Variants in SV2B observed in about 807,000 individuals in gnomAD.
The protein encoded by SV2B is solute carrier family 22 member B2.
A neutral mutation model predicts 73.9 loss-of-function variants in SV2B; 41 were observed. That is an observed-to-expected ratio of 0.56 (90% CI 0.43 to 0.72). SV2B has a LOEUF of 0.72. SV2B is among the 30% of genes least tolerant of loss of function. The pLI is 0.00. For synonymous variants in SV2B, 314 were observed against 314.2 expected (o/e 1.00, Z 0.01); for missense variants, 764 against 857.8 (o/e 0.89, Z 1.37).
At chr15:91,210,710 A>G (rs1258369226) in intron 1 of SV2B, among the ~76,000 whole-genome samples, 1 of 152,172 alleles carries the variant, frequency 6.6e-6, no homozygotes, top group Non-Finnish European at 1.5e-5. Flanking sequence ...AGTGTCCCCT[A>G]TTGGAGCAAT....
chr15:91,276,805 GTTATTA>G lies in SV2B; in HGVS notation c.1374-4896_1374-4891del, dbSNP rs3082230. The stretch of plus-strand genomic sequence containing the variant: ...TTCCAGTATTTATATTATTGTTGTT[GTTATTA>G]TTATTATTATTATTATTATTATTAT... On this transcript the variant is annotated intron_variant, in intron 9 of 12. Transcript: ENST00000394232. Among the ~76,000 whole-genome samples the G allele has an allele frequency of 2.0e-3, 183 of 92,118 alleles. 2 individuals are homozygous for G. The highest frequency in any genetic ancestry group is 0.013 in the Middle Eastern group (2 of 152). 60.4% of individuals were successfully genotyped at this position (92,118 alleles called of 152,430 possible).
chr15:91,196,677 C>T (rs986006748), intron 1 of SV2B, among the ~76,000 whole-genome samples: 7 of 152,156 alleles, frequency 4.6e-5, no homozygotes, highest in Non-Finnish European at 1.0e-4. Flanking sequence ...CACCCAAAGA[C>T]AGAAAGGAAG....
At chr15:91,235,805 T>C (rs1377734718) in intron 2 of SV2B, among the ~76,000 whole-genome samples, 2 of 152,204 alleles carry the variant, frequency 1.3e-5, no homozygotes, top group African/African-American at 4.8e-5. Context: ...TGGATTTTGA[T>C]CAAGATTTAA....
intron 1 of SV2B, among the ~76,000 whole-genome samples, chr15:91,133,996 C>G (rs2042735562): frequency 1.6e-5 from 1 of 63,928 alleles, no homozygotes; most frequent in Admixed American, 1.4e-4. Flanking sequence ...TCACCACTTT[C>G]TTTCTTCCTT....
chr15:91,231,660 A>C lies in SV2B; in HGVS notation c.451+4946A>C, dbSNP rs978393557. ...ACTGCAAATAAGCACCTCAACCTGG[A>C]ACTGTGGGCTATTCCCTACCTTCAT... On this transcript the variant is annotated intron_variant, in intron 2 of 12. Transcript: ENST00000394232. The surrounding 1 kb of genome is among the most constrained non-coding windows in gnomAD (Gnocchi z 4.5). 2.6e-5 allele frequency among the ~76,000 whole-genome samples: 4 copies of C among 152,170 alleles called. No homozygotes were observed. The highest frequency in any genetic ancestry group is 5.9e-5 in the Non-Finnish European group (4 of 68,030).
intron 1 of SV2B, among the ~76,000 whole-genome samples, chr15:91,164,230 G>A (rs111917749): frequency 0.12 from 17,809 of 152,082 alleles, 1,361 homozygotes; most frequent in South Asian, 0.22. Flanking sequence ...GACTTTCTTT[G>A]CAGAACTGGA....
intron 1 of SV2B, among the ~76,000 whole-genome samples, chr15:91,186,281 A>T (rs2044766311): frequency 6.7e-6 from 1 of 148,376 alleles, no homozygotes; most frequent in Non-Finnish European, 1.5e-5. Flanking sequence ...ATTTTATTTT[A>T]TATTAATGAA....
intron 11 of SV2B, among the ~76,000 whole-genome samples, chr15:91,285,600 C>T (rs182338311): frequency 7.9e-5 from 12 of 152,346 alleles, no homozygotes; most frequent in Admixed American, 2.0e-4. Flanking sequence ...TGTGGACCCA[C>T]GTTCCTTTAC....
At position 91,212,978 on chromosome 15, in the gene SV2B, TAAA is replaced by T. The variant is rs34863204; in HGVS notation, c.-391-12880_-391-12878del. Among the ~76,000 whole-genome samples, 361 of 127,086 alleles carry T rather than the reference TAAA, an allele frequency of 2.8e-3. 3 individuals are homozygous for T. The highest frequency in any genetic ancestry group is 0.01 in the African/African-American group (347 of 34,462). The allele number at this position is 127,086 out of a possible 152,430, so 83.4% of individuals were successfully genotyped here. On this transcript the variant is annotated intron_variant, in intron 1 of 12. Coordinates refer to ENST00000394232, the MANE Select transcript of SV2B (RefSeq NM_001323032.3). ...CAACATGGTGAAACCCTGTCTCTACTAAAAAAAAAAAAAAAAATACGAAAATTA... is the reference window on the plus strand; with the variant it reads ...CAACATGGTGAAACCCTGTCTCTACTAAAAAAAAAAAAAATACGAAAATTA...
Position 91,296,374 on chromosome 15 carries a change from T to C in SV2B, c.*3822T>C, listed in dbSNP as rs1016712002. On this transcript the variant is annotated 3_prime_UTR_variant, in exon 13 of 13. Coordinates refer to ENST00000394232, the MANE Select transcript of SV2B (RefSeq NM_001323032.3). Reference sequence around the variant, plus strand: ...TTTATAGTAAGTTAAAGGTTTGTTTTACTCTCATGTGAAGGGAATCTGGAG... The same window carrying C: ...TTTATAGTAAGTTAAAGGTTTGTTTCACTCTCATGTGAAGGGAATCTGGAG... 3 of 152,300 alleles carry C rather than the reference T, an allele frequency of 2.0e-5. No individual in the cohort carries two copies. Among genetic ancestry groups the C allele is most frequent in the Admixed American group, 6.5e-5 (1 of 15,290 alleles). 9.4% of individuals were successfully genotyped at this position (152,300 alleles called of 1,614,324 possible). A position where few individuals can be genotyped will look rare whatever the true frequency, so the allele number is the denominator to read the frequency against.
rs1464954599 is a variant in SV2B, at chr15:91,280,742, G to A, written c.1374-986G>A. Among the ~76,000 whole-genome samples the A allele has an allele frequency of 6.6e-6, 1 of 152,090 alleles. No individual in the cohort carries two copies. The highest frequency in any genetic ancestry group is 2.4e-5 in the African/African-American group (1 of 41,422). On this transcript the variant is annotated intron_variant, in intron 9 of 12. Transcript: ENST00000394232. The surrounding 1 kb of genome is among the most constrained non-coding windows in gnomAD (Gnocchi z 5.8). ...GGTGCCTTATTGTCTTTTTAACTGA[G>A]TTTTAAAAAAAAGTGAACACATAAT...
In SV2B at chr15:91,139,844, G is replaced by A. The variant is rs754437706; in HGVS notation, c.-392+39481G>A. ...AAAAGACGTAAACTAAGATTGTCCT[G>A]GAGAAACCAAGCTATATGGTCCCTC... On this transcript the variant is annotated intron_variant, in intron 1 of 12. Transcript: ENST00000394232. This position sits in a 1 kb window ranked among gnomAD's most constrained non-coding sequence, Gnocchi z 5.2. Among the ~76,000 whole-genome samples the A allele has an allele frequency of 6.6e-6, 1 of 152,176 alleles. No individual in the cohort carries two copies. Among genetic ancestry groups the A allele is most frequent in the African/African-American group, 2.4e-5 (1 of 41,434 alleles).
chr15:91,154,536 C>T (rs1201388335), intron 1 of SV2B, among the ~76,000 whole-genome samples: 1 of 152,220 alleles, frequency 6.6e-6, no homozygotes, highest in Non-Finnish European at 1.5e-5. Context: ...TGTCCATGTC[C>T]TCCTGCTGTG....
At chr15:91,101,701 G>A (rs890920176) in intron 1 of SV2B, 7 of 151,968 alleles carry the variant, frequency 4.6e-5, no homozygotes, top group African/African-American at 1.5e-4. Context: ...TTGGTTCTTC[G>A]GTCCGGGAGT....
intron 1 of SV2B, among the ~76,000 whole-genome samples, chr15:91,108,545 A>G (rs747103620): frequency 1.3e-5 from 2 of 152,242 alleles, no homozygotes; most frequent in Non-Finnish European, 2.9e-5. Flanking sequence ...CATGGTGAAT[A>G]AATGCTGCTG....
At position 91,240,540 on chromosome 15, in the gene SV2B, A is replaced by C. The variant is rs995690462; in HGVS notation, c.452-11279A>C. 6.6e-6 allele frequency among the ~76,000 whole-genome samples: 1 copy of C among 152,170 alleles called. No homozygotes were observed. The highest frequency in any genetic ancestry group is 2.4e-5 in the African/African-American group (1 of 41,436). ...ATAAAGAAAAAGGCTAAAAAACCCC[A>C]AAAAACCAAGATGGCTCTCTCTGAC... On this transcript the variant is annotated intron_variant, in intron 2 of 12. Coordinates refer to ENST00000394232, the MANE Select transcript of SV2B (RefSeq NM_001323032.3). This position sits in a 1 kb window ranked among gnomAD's most constrained non-coding sequence, Gnocchi z 4.6.
chr15:91,283,936 G>A lies in SV2B; in HGVS notation c.1508-85G>A. On this transcript the variant is annotated intron_variant, in intron 10 of 12. Coordinates refer to ENST00000394232, the MANE Select transcript of SV2B (RefSeq NM_001323032.3). The surrounding 1 kb of genome is among the most constrained non-coding windows in gnomAD (Gnocchi z 4.3). Reference sequence around the variant, plus strand: ...AGGCTGGCACAGCCTGCCTACAGGAGGGGGCAGACTTCATCCCTGCCTCTG... The same window carrying A: ...AGGCTGGCACAGCCTGCCTACAGGAAGGGGCAGACTTCATCCCTGCCTCTG... 7.1e-7 allele frequency: 1 copy of A among 1,408,210 alleles called. No homozygotes were observed. Among genetic ancestry groups the A allele is most frequent in the East Asian group, 2.3e-5 (1 of 43,820 alleles). 87.2% of individuals were successfully genotyped at this position (1,408,210 alleles called of 1,614,324 possible).
At chr15:91,154,626 G>A (rs2043426785) in intron 1 of SV2B, among the ~76,000 whole-genome samples, 1 of 151,938 alleles carries the variant, frequency 6.6e-6, no homozygotes, top group Non-Finnish European at 1.5e-5. Flanking sequence ...GATTAGAGTG[G>A]GCCCTATTCC....
intron 1 of SV2B, among the ~76,000 whole-genome samples, chr15:91,165,792 A>G (rs1250693952): frequency 2.0e-5 from 3 of 152,238 alleles, no homozygotes; most frequent in African/African-American, 4.8e-5. Flanking sequence ...ATTCGAGGAG[A>G]AAAATAGTCA....
Sources: allele counts gnomAD v4.1 joint callset (sites outside exome capture counted in the v4.1 genomes callset), GRCh38; gene constraint gnomAD v4.1.1; non-coding constraint Gnocchi (gnomAD v3.1); transcripts MANE v1.5; gene names NCBI Gene and HGNC (gene_info 2026-07-23, HGNC 2026-07-21).